Variants in DMRT1 observed in about 807,000 individuals in gnomAD.
DMRT1 encodes the protein doublesex and mab-3 related transcription factor 1.
Under a neutral mutation model 32.3 loss-of-function variants are expected in DMRT1, and 7 were observed. That is an observed-to-expected ratio of 0.22 (90% CI 0.12 to 0.41). The LOEUF is 0.41. DMRT1 is among the 10% of genes least tolerant of loss of function. DMRT1 has a pLI of 1.00. For missense variants in DMRT1, 625 were observed against 500.5 expected (o/e 1.25, Z -2.37); for synonymous variants, 278 against 206.1 (o/e 1.35, Z -2.99).
At chr9:933,791 T>A (rs1157789733) in intron 4 of DMRT1, among the ~76,000 whole-genome samples, 1 of 152,202 alleles carries the variant, frequency 6.6e-6, no homozygotes, top group African/African-American at 2.4e-5. Context: ...GAAGTTGTAT[T>A]CGGCAACTTT....
In DMRT1 at chr9:968,206, T is replaced by A; in HGVS notation, c.*67T>A. 6.3e-7 allele frequency: 1 copy of A among 1,589,402 alleles called. No individual in the cohort carries two copies. ...CTTATTCCACTTTCCATGGGGTTTG[T>A]TAATATTTTGCATTGACTCATACTA... On this transcript the variant is annotated 3_prime_UTR_variant, in exon 5 of 5. Transcript: ENST00000382276.
intron 4 of DMRT1, among the ~76,000 whole-genome samples, chr9:925,654 C>G (rs1251867874): frequency 6.6e-6 from 1 of 152,188 alleles, no homozygotes; most frequent in Non-Finnish European, 1.5e-5. Context: ...CTCTTCATTT[C>G]CTTCCTTTTC....
At chr9:923,459 C>G (rs1226386687) in intron 4 of DMRT1, among the ~76,000 whole-genome samples, 1 of 110,234 alleles carries the variant, frequency 9.1e-6, no homozygotes, top group African/African-American at 3.5e-5. Flanking sequence ...AGGATGTTGG[C>G]TCTGTGGAGG....
intron 3 of DMRT1, among the ~76,000 whole-genome samples, chr9:915,094 C>G (rs191546449): frequency 6.6e-5 from 10 of 152,342 alleles, no homozygotes; most frequent in Middle Eastern, 3.4e-3. Flanking sequence ...TGAAATTACT[C>G]ATATTTCTGG....
chr9:927,967 T>C (rs1818582805), intron 4 of DMRT1, among the ~76,000 whole-genome samples: 1 of 152,190 alleles, frequency 6.6e-6, no homozygotes. Flanking sequence ...TTGCCACCCA[T>C]TGTGGAGCAT....
chr9:911,658 A>G (rs1017369155), intron 3 of DMRT1, among the ~76,000 whole-genome samples: 6 of 151,896 alleles, frequency 4.0e-5, no homozygotes, highest in African/African-American at 1.4e-4. Context: ...ACACCCAGCT[A>G]ATTGTTTGTA....
chr9:844,048 G>A (rs1276671718), intron 1 of DMRT1, among the ~76,000 whole-genome samples: 1 of 152,142 alleles, frequency 6.6e-6, no homozygotes, highest in Non-Finnish European at 1.5e-5. Context: ...ACATTTAGTC[G>A]TTGGCTTATT....
intron 2 of DMRT1, among the ~76,000 whole-genome samples, chr9:891,152 C>T (rs148294785): frequency 2.0e-5 from 3 of 147,252 alleles, no homozygotes; most frequent in Admixed American, 6.9e-5. Flanking sequence ...CCAGCCTGGG[C>T]AACATAGTGA....
chr9:864,256 G>A (rs1815860478), intron 2 of DMRT1, among the ~76,000 whole-genome samples: 1 of 150,066 alleles, frequency 6.7e-6, no homozygotes, highest in South Asian at 2.1e-4. Context: ...CCAGGCTGGA[G>A]TGCAGTGGTG....
rs535599430 is a variant in DMRT1, at chr9:911,380, G to A, written c.823-5383G>A. Among the ~76,000 whole-genome samples, 4 of 151,386 alleles carry A rather than the reference G, an allele frequency of 2.6e-5. No individual in the cohort carries two copies. In the South Asian group the frequency reaches 8.3e-4, roughly 32 times the overall value. On this transcript the variant is annotated intron_variant, in intron 3 of 4. Transcript: ENST00000382276. ...ATTTTGTTTAAGCCAAAAGTAGCAG[G>A]GTTGTGATTTTCTTTTTAAAGTTAG...
intron 3 of DMRT1, among the ~76,000 whole-genome samples, chr9:901,911 C>CT (rs34006231): frequency 0.3 from 34,669 of 113,920 alleles, 6,522 homozygotes; most frequent in African/African-American, 0.54. Flanking sequence ...GAAACTAGCC[C>CT]TTTTTTTTTT....
At chr9:909,196 C>T (rs976461759) in intron 3 of DMRT1, among the ~76,000 whole-genome samples, 9 of 152,146 alleles carry the variant, frequency 5.9e-5, no homozygotes, top group Admixed American at 2.0e-4. Flanking sequence ...GAAAGGAAGT[C>T]GGGAGGGGCG....
chr9:909,942 G>A (rs924607290), intron 3 of DMRT1, among the ~76,000 whole-genome samples: 12 of 152,062 alleles, frequency 7.9e-5, no homozygotes, highest in African/African-American at 1.7e-4. Context: ...TCCAACCCCC[G>A]GGCTCAAATA....
chr9:850,789 G>T (rs1839112579), intron 2 of DMRT1, among the ~76,000 whole-genome samples: 1 of 152,166 alleles, frequency 6.6e-6, no homozygotes, highest in African/African-American at 2.4e-5. Context: ...AGCACTTTGG[G>T]AGGCCAAGGC....
chr9:956,783 G>C (rs1218994119), intron 4 of DMRT1, among the ~76,000 whole-genome samples: 1 of 152,056 alleles, frequency 6.6e-6, no homozygotes, highest in Non-Finnish European at 1.5e-5. Context: ...CTTTCCTTAA[G>C]TTCAGAGCCT....
At chr9:922,043 G>A (rs1201677268) in intron 4 of DMRT1, among the ~76,000 whole-genome samples, 1 of 99,834 alleles carries the variant, frequency 1.0e-5, no homozygotes, top group Non-Finnish European at 2.7e-5. Context: ...ACAACGCCCA[G>A]CTAATTTTTT....
At chr9:885,468 T>G (rs1816890103) in intron 2 of DMRT1, among the ~76,000 whole-genome samples, 6 of 152,202 alleles carry the variant, frequency 3.9e-5, no homozygotes, top group Admixed American at 3.9e-4. Context: ...GGCCCGACTC[T>G]TCTCCTACTT....
intron 2 of DMRT1, among the ~76,000 whole-genome samples, chr9:858,097 G>A (rs1164866015): frequency 1.3e-5 from 2 of 152,058 alleles, no homozygotes; most frequent in East Asian, 3.9e-4. Context: ...ACGTGTGCAT[G>A]TGCCTTTTAA....
At chr9:844,154 C>G (rs72697186) in intron 1 of DMRT1, among the ~76,000 whole-genome samples, 1,965 of 152,234 alleles carry the variant, frequency 0.013, 43 homozygotes, top group African/African-American at 0.043. Context: ...GTAGAGGAGG[C>G]TGCTTACACC....
Sources: allele counts gnomAD v4.1 joint callset (sites outside exome capture counted in the v4.1 genomes callset), GRCh38; gene constraint gnomAD v4.1.1; transcripts MANE v1.5; gene names NCBI Gene and HGNC (gene_info 2026-07-23, HGNC 2026-07-21).